The following MLX variants were observed in gnomAD, a reference collection of about 807,000 sequenced individuals.
MLX encodes max-like protein X.
MLX carries 15 observed loss-of-function variants against 33.0 expected under a neutral mutation model. The ratio of observed to expected loss-of-function variants is 0.45; its 90% CI spans 0.30 to 0.70. MLX has a LOEUF of 0.70. Ranked by LOEUF, MLX falls within the 30% of genes least tolerant of loss-of-function variation. MLX has a pLI of 0.07. For missense variants in MLX, 285 were observed against 306.3 expected (o/e 0.93, Z 0.52); for synonymous variants, 115 against 115.6 (o/e 0.99, Z 0.03).
rs1438970625 is a variant in MLX, at chr17:42,572,082, T to G, written c.*479T>G. On this transcript the variant is annotated 3_prime_UTR_variant, in exon 8 of 8. Coordinates refer to ENST00000435881, the MANE Select transcript of MLX (RefSeq NM_198204.2). Reference sequence around the variant, plus strand: ...GGGAGAAAAAGAGTAAGAGGAAATATTCCCACAGCCATGAAGGGTGAAAGG... The same window carrying G: ...GGGAGAAAAAGAGTAAGAGGAAATAGTCCCACAGCCATGAAGGGTGAAAGG... 4.6e-5 allele frequency: 12 copies of G among 262,280 alleles called. No individual in the cohort carries two copies. The East Asian group carries it at 6.3e-4, about 14-fold the overall frequency. 16.2% of individuals were successfully genotyped at this position (262,280 alleles called of 1,614,324 possible).
At position 42,573,177 on chromosome 17, in the gene MLX, A is replaced by C; in HGVS notation, c.*1574A>C. Reference sequence around the variant, plus strand: ...AGACAGCTCTGTAGCCTGACAAGAAATAAAACCACCCGTTTTCAGATGGGC... The same window carrying C: ...AGACAGCTCTGTAGCCTGACAAGAACTAAAACCACCCGTTTTCAGATGGGC... On this transcript the variant is annotated 3_prime_UTR_variant, in exon 8 of 8. Coordinates refer to ENST00000435881, the MANE Select transcript of MLX (RefSeq NM_198204.2). The C allele has an allele frequency of 1.2e-6, 2 of 1,614,242 alleles. No homozygotes were observed. Among genetic ancestry groups the C allele is most frequent in the East Asian group, 4.5e-5 (2 of 44,884 alleles).
intron 1 of MLX, 59 bp from the exon 2 acceptor site, chr17:42,567,560 G>C: frequency 6.2e-7 from 1 of 1,611,476 alleles, no homozygotes; most frequent in Non-Finnish European, 8.5e-7. Flanking sequence ...TGCAGTGGAA[G>C]GGGCGCCTCC....
chr17:42,569,008 C>T lies in MLX; in HGVS notation c.276+65C>T. 3.3e-6 allele frequency: 5 copies of T among 1,508,738 alleles called. 1 individual carries two copies. In the South Asian group the frequency reaches 3.5e-5, roughly 11 times the overall value. 93.5% of individuals were successfully genotyped at this position (1,508,738 alleles called of 1,614,324 possible). On this transcript the variant is annotated intron_variant, in intron 4 of 7. Transcript: ENST00000435881. ...CCCTGCATAGTTTAGCTTCCCTGTG[C>T]CCTGACCCACTCAGACAGTCCCAGG...
chr17:42,567,444 G>C, intron 1 of MLX, 175 bp from the exon 2 acceptor site: 1 of 1,388,180 alleles, frequency 7.2e-7, no homozygotes. Context: ...GCCTGTGCCA[G>C]TCTCGGGGGA....
At position 42,570,087 on chromosome 17, in the gene MLX, C is replaced by T. The variant is rs767010010; in HGVS notation, c.582C>T (p.Ser194=). The part of the protein sequence containing the change: ...KFNVFQGIMD[S]LFQSFNASIS... Reference sequence around the variant, plus strand: ...ACGTGTTTCAAGGCATCATGGATTCCCTGTTCCAGTCCTTCAATGCCTCCA... The same window carrying T: ...ACGTGTTTCAAGGCATCATGGATTCTCTGTTCCAGTCCTTCAATGCCTCCA... The change falls in exon 7 of 8, where the codon TCC becomes TCT. Residue 194 remains serine (S), a synonymous_variant. Transcript: ENST00000435881. 2.5e-6 allele frequency: 4 copies of T among 1,614,172 alleles called. No individual in the cohort carries two copies. The highest frequency in any genetic ancestry group is 2.2e-5 in the East Asian group (1 of 44,880).
In MLX at chr17:42,572,256, C is replaced by T. The variant is rs540901251; in HGVS notation, c.*653C>T. The T allele has an allele frequency of 7.4e-6, 3 of 405,074 alleles. No homozygotes were observed. Among genetic ancestry groups the T allele is most frequent in the African/African-American group, 2.1e-5 (1 of 48,470 alleles). 25.1% of individuals were successfully genotyped at this position (405,074 alleles called of 1,614,324 possible). A position where few individuals can be genotyped will look rare whatever the true frequency, so the allele number is the denominator to read the frequency against. ...TGCTCTGGGTGGTAAGGGAAGCCCT[C>T]CCGGTTCCCACAGGCTATGATGCTG... On this transcript the variant is annotated 3_prime_UTR_variant, in exon 8 of 8. Coordinates refer to ENST00000435881, the MANE Select transcript of MLX (RefSeq NM_198204.2).
chr17:42,571,919 T>TGA lies in MLX; in HGVS notation c.*316_*317insGA. The TGA allele has an allele frequency of 2.7e-6, 1 of 366,098 alleles. No individual in the cohort carries two copies. Among genetic ancestry groups the TGA allele is most frequent in the Non-Finnish European group, 5.1e-6 (1 of 197,824 alleles). The allele number at this position is 366,098 out of a possible 1,614,324, so 22.7% of individuals were successfully genotyped here. A position where few individuals can be genotyped will look rare whatever the true frequency, so the allele number is the denominator to read the frequency against. ...GAGCTCCTGCCCTCTCAGCCCTTTATTCAAGCCTCAGATTTCTGCTCATGA... is the reference window on the plus strand; with the variant it reads ...GAGCTCCTGCCCTCTCAGCCCTTTATGATCAAGCCTCAGATTTCTGCTCATGA... On this transcript the variant is annotated 3_prime_UTR_variant, in exon 8 of 8. Coordinates refer to ENST00000435881, the MANE Select transcript of MLX (RefSeq NM_198204.2).
chr17:42,569,199 C>T lies in MLX; in HGVS notation c.277-5C>T. The T allele has an allele frequency of 6.2e-7, 1 of 1,613,548 alleles. No homozygotes were observed. Among genetic ancestry groups the T allele is most frequent in the Non-Finnish European group, 8.5e-7 (1 of 1,179,600 alleles). ...AAGAACCCATTTCCCCTGCTGTTTC[C>T]ACAGAGAGGCTATGATGACCTTCAG... On this transcript the variant is annotated splice_region_variant and splice_polypyrimidine_tract_variant and intron_variant, in intron 4 of 7. Transcript: ENST00000435881.
At chr17:42,567,965 A>T in intron 2 of MLX, 1 of 481,738 alleles carries the variant, frequency 2.1e-6, no homozygotes, top group Non-Finnish European at 3.8e-6. Flanking sequence ...CCTATGGAGC[A>T]GTGTAGACAC....
intron 6 of MLX, 72 bp from the exon 7 acceptor site, chr17:42,569,910 G>C: frequency 8.4e-6 from 12 of 1,430,894 alleles, no homozygotes; most frequent in Non-Finnish European, 1.2e-5. Context: ...GGAGTACACA[G>C]GATAGTCCCG....
rs1567910887 is a variant in MLX, at chr17:42,572,459, G to GGACTT, written c.*858_*862dup. 2 of 454,544 alleles carry GGACTT rather than the reference G, an allele frequency of 4.4e-6. No homozygotes were observed. Among genetic ancestry groups the GGACTT allele is most frequent in the South Asian group, 3.1e-5 (2 of 64,452 alleles). The allele number at this position is 454,544 out of a possible 1,614,324, so 28.2% of individuals were successfully genotyped here. On this transcript the variant is annotated 3_prime_UTR_variant, in exon 8 of 8. Transcript: ENST00000435881. ...CTCAGTGTTGCCTGCATTTCTCCCA[G>GGACTT]GACTTGGGGGTGGGGTGAAAAGCGT...
At chr17:42,569,659 C>A in intron 6 of MLX, 53 bp downstream of exon 6, 1 of 1,350,946 alleles carries the variant, frequency 7.4e-7, no homozygotes, top group Non-Finnish European at 1.1e-6. Context: ...AACTTCATTG[C>A]ACACCCTCCC....
intron 2 of MLX, 98 bp from the exon 3 acceptor site, chr17:42,568,369 AAAT>A (rs2093017433): frequency 1.7e-5 from 14 of 810,276 alleles, no homozygotes; most frequent in Non-Finnish European, 2.6e-5. Context: ...TCTAAAAAAA[AAAT>A]AAATAAATAA....
chr17:42,567,559 A>C (rs1001058400), intron 1 of MLX, 60 bp from the exon 2 acceptor site: 22 of 1,610,758 alleles, frequency 1.4e-5, no homozygotes, highest in Non-Finnish European at 1.9e-5. Flanking sequence ...CTGCAGTGGA[A>C]GGGGCGCCTC....
chr17:42,567,242 G>A lies in MLX; in HGVS notation c.42+76G>A, dbSNP rs766957141. ...TGCACGTAGGGGGGCCGGAAGACGA[G>A]GGGCTTCCCTCCTGTCCCCAAAGTC... On this transcript the variant is annotated intron_variant, in intron 1 of 7. Coordinates refer to ENST00000435881, the MANE Select transcript of MLX (RefSeq NM_198204.2). 1.1e-5 allele frequency: 15 copies of A among 1,317,406 alleles called. No homozygotes were observed. The Admixed American group carries it at 2.9e-4, about 25-fold the overall frequency. The allele number at this position is 1,317,406 out of a possible 1,614,324, so 81.6% of individuals were successfully genotyped here.
intron 3 of MLX, 22 bp from the exon 4 acceptor site, chr17:42,568,815 C>A: frequency 6.3e-7 from 1 of 1,578,704 alleles, no homozygotes; most frequent in East Asian, 2.3e-5. Flanking sequence ...TGACCTTTCC[C>A]TGCCCCCATC....
intron 6 of MLX, 151 bp from the exon 7 acceptor site, chr17:42,569,831 C>G: frequency 2.6e-6 from 2 of 775,884 alleles, no homozygotes; most frequent in South Asian, 3.5e-5. Context: ...GGCCACCTTT[C>G]CTGACCTGGA....
rs200592198 is a variant in MLX at position 42,569,630 on chromosome 17, G to T, written c.476+24G>T. The T allele has an allele frequency of 1.8e-3, 2,843 of 1,582,654 alleles. 14 individuals are homozygous for T. The highest frequency in any genetic ancestry group is 1.8e-3 in the Non-Finnish European group (2,086 of 1,151,708). On this transcript the variant is annotated intron_variant, in intron 6 of 7. Transcript: ENST00000435881. ...GTGTAAGAGGGGTGCTGAATGGGGG[G>T]AACCAGAACTTCTGAGGCAACTTCA...
rs1035865686 is a variant in MLX, at chr17:42,571,643, C to A, written c.*40C>A. On this transcript the variant is annotated 3_prime_UTR_variant, in exon 8 of 8. Transcript: ENST00000435881. ...CCTGGAGAACAGCCAACAAGAGGCC[C>A]TTGAATCTCTACGTGGCCACTGAAC... 6.3e-7 allele frequency: 1 copy of A among 1,585,268 alleles called. No homozygotes were observed. Among genetic ancestry groups the A allele is most frequent in the African/African-American group, 1.3e-5 (1 of 74,570 alleles).
Sources: allele counts gnomAD v4.1 joint callset, GRCh38; gene constraint gnomAD v4.1.1; transcripts MANE v1.5; gene names NCBI Gene and HGNC (gene_info 2026-07-23, HGNC 2026-07-21).